WDR41: variants seen among roughly 807,000 people sequenced by gnomAD.
WDR41 encodes the protein WD repeat domain 41.
A neutral mutation model predicts 69.3 loss-of-function variants in WDR41; 63 were observed. The observed-to-expected ratio is 0.91, with a 90% CI of 0.74 to 1.12. The LOEUF (loss-of-function observed/expected upper bound fraction) is 1.12, where lower values mean the gene tolerates loss of function less well. WDR41 is among the 50% of genes most tolerant of loss of function. WDR41 has a pLI of 0.00. For synonymous variants in WDR41, 185 were observed against 192.1 expected (o/e 0.96, Z 0.31); for missense variants, 543 against 534.5 (o/e 1.02, Z -0.16).
chr5:77,440,782 C>T (rs769203318), intron 9 of WDR41, 31 bp downstream of exon 9: 61 of 1,602,910 alleles, frequency 3.8e-5, no homozygotes, highest in Non-Finnish European at 4.9e-5. Context: ...ATGTCAAAGG[C>T]AAGTTTATAG....
intron 1 of WDR41, among the ~76,000 whole-genome samples, chr5:77,594,962 T>C (rs1035350440): frequency 1.3e-5 from 2 of 152,136 alleles, no homozygotes; most frequent in Non-Finnish European, 2.9e-5. Context: ...TTCTGCAGGG[T>C]CTGAAATAGT....
intron 2 of WDR41, among the ~76,000 whole-genome samples, chr5:77,467,524 C>CAATT (rs1800357910): frequency 6.6e-6 from 1 of 151,910 alleles, no homozygotes; most frequent in South Asian, 2.1e-4. Context: ...TTGAAACACA[C>CAATT]AATTATATGA....
At chr5:77,513,899 T>A (rs1361068703) in intron 1 of WDR41, among the ~76,000 whole-genome samples, 1 of 150,882 alleles carries the variant, frequency 6.6e-6, no homozygotes, top group Non-Finnish European at 1.5e-5. Flanking sequence ...CCTATGCACA[T>A]GTCCACAGAG....
chr5:77,543,058 A>C (rs1261592269), intron 1 of WDR41, among the ~76,000 whole-genome samples: 1 of 152,150 alleles, frequency 6.6e-6, no homozygotes, highest in Non-Finnish European at 1.5e-5. Context: ...AGAGATAACA[A>C]TCACTACATC....
intron 2 of WDR41, among the ~76,000 whole-genome samples, chr5:77,478,159 G>A (rs1801041720): frequency 6.6e-6 from 1 of 152,108 alleles, no homozygotes; most frequent in South Asian, 2.1e-4. Flanking sequence ...CCAATAACAG[G>A]ATCTGAAATT....
At chr5:77,611,886 G>A (rs1431525941) in intron 1 of WDR41, among the ~76,000 whole-genome samples, 1 of 152,078 alleles carries the variant, frequency 6.6e-6, no homozygotes, top group Non-Finnish European at 1.5e-5. Context: ...AAAATTGATA[G>A]ACTGCTAGCA....
At chr5:77,500,544 A>G (rs1476153862) in intron 1 of WDR41, among the ~76,000 whole-genome samples, 1 of 152,258 alleles carries the variant, frequency 6.6e-6, no homozygotes, top group Non-Finnish European at 1.5e-5. Context: ...AGAGAGTATT[A>G]TAAATAACCC....
chr5:77,487,105 TCA>T (rs901725567), intron 2 of WDR41, among the ~76,000 whole-genome samples: 1 of 152,316 alleles, frequency 6.6e-6, no homozygotes, highest in East Asian at 1.9e-4. Context: ...AGAGGATATT[TCA>T]CAGAGGAAAG....
At chr5:77,611,218 C>T (rs1744542509) in intron 1 of WDR41, among the ~76,000 whole-genome samples, 1 of 152,012 alleles carries the variant, frequency 6.6e-6, no homozygotes, top group Non-Finnish European at 1.5e-5. Flanking sequence ...GAGACTTTAA[C>T]ACCCCACTGT....
At chr5:77,489,595 A>AG in intron 1 of WDR41, 23 bp from the exon 2 acceptor site, 2 of 1,391,172 alleles carry the variant, frequency 1.4e-6, no homozygotes, top group Non-Finnish European at 9.9e-7. Context: ...AAAAAAAAAA[A>AG]GCAAAAAACA....
intron 6 of WDR41, chr5:77,452,552 T>C (rs1319653405): frequency 6.6e-6 from 1 of 152,088 alleles, no homozygotes; most frequent in African/African-American, 2.4e-5. Flanking sequence ...GCTCCACCAG[T>C]CCATAAATCA....
intron 1 of WDR41, among the ~76,000 whole-genome samples, chr5:77,547,984 T>C (rs1743228617): frequency 6.6e-6 from 1 of 151,400 alleles, no homozygotes; most frequent in Non-Finnish European, 1.5e-5. Context: ...ACCCAAATAC[T>C]TACAGCCAAC....
chr5:77,450,244 G>C (rs1799570451), intron 7 of WDR41, among the ~76,000 whole-genome samples: 1 of 152,134 alleles, frequency 6.6e-6, no homozygotes, highest in Non-Finnish European at 1.5e-5. Context: ...CTCTACTCAT[G>C]TCTCTTACTC....
At chr5:77,465,654 A>G (rs1211833301) in intron 2 of WDR41, among the ~76,000 whole-genome samples, 2 of 152,138 alleles carry the variant, frequency 1.3e-5, no homozygotes, top group African/African-American at 4.8e-5. Flanking sequence ...AAGTTTGTAA[A>G]TAATTTTTAA....
intron 10 of WDR41, 108 bp from the exon 11 acceptor site, chr5:77,437,532 C>G: frequency 3.1e-6 from 3 of 963,158 alleles, no homozygotes; most frequent in Non-Finnish European, 5.0e-6. Flanking sequence ...TTATTCAGCT[C>G]TTAGCAGGAA....
At chr5:77,550,542 G>T (rs933631130) in intron 1 of WDR41, among the ~76,000 whole-genome samples, 10 of 152,170 alleles carry the variant, frequency 6.6e-5, no homozygotes, top group African/African-American at 2.4e-4. Context: ...GATACCATCT[G>T]ACACTAGTCA....
rs1800334525 is a variant in WDR41 at position 77,466,943 on chromosome 5, T to C, written c.168-2134A>G. 2.0e-5 allele frequency among the ~76,000 whole-genome samples: 3 copies of C among 151,712 alleles called. No homozygotes were observed. The South Asian group carries it at 6.2e-4, about 31-fold the overall frequency. On this transcript the variant is annotated intron_variant, in intron 2 of 12. Transcript: ENST00000296679. ...TAAAAAAACTAATAAAGGGTTGAGATATCATTCACAAATTACAATTACCCA... is the reference window on the plus strand; with the variant it reads ...TAAAAAAACTAATAAAGGGTTGAGACATCATTCACAAATTACAATTACCCA...
At chr5:77,456,115 T>C (rs1581713253) in intron 5 of WDR41, among the ~76,000 whole-genome samples, 1 of 152,236 alleles carries the variant, frequency 6.6e-6, no homozygotes, top group South Asian at 2.1e-4. Flanking sequence ...TCCATTTATA[T>C]AGATCTTTAA....
At chr5:77,611,616 A>C (rs1343121606) in intron 1 of WDR41, among the ~76,000 whole-genome samples, 1 of 152,302 alleles carries the variant, frequency 6.6e-6, no homozygotes, top group Non-Finnish European at 1.5e-5. Flanking sequence ...AACGAGAACA[A>C]GAATCTCTGG....
Sources: gnomAD v4.1 joint callset for allele counts (sites outside exome capture counted in the v4.1 genomes callset) on GRCh38, gnomAD v4.1.1 for gene constraint, MANE v1.5 for transcripts, NCBI Gene and HGNC (gene_info 2026-07-23, HGNC 2026-07-21) for gene names.